FAM149A: variants seen among roughly 807,000 people sequenced by gnomAD.
FAM149A encodes the protein family with sequence similarity 149 member A.
In FAM149A, 71 loss-of-function variants were observed where a neutral mutation model predicts 78.2. The ratio of observed to expected loss-of-function variants is 0.91; its 90% confidence interval spans 0.75 to 1.11. The LOEUF (loss-of-function observed/expected upper bound fraction) is 1.11, where lower values mean the gene tolerates loss of function less well. FAM149A is among the 50% of genes least tolerant of loss of function. The pLI is 0.00. For synonymous variants in FAM149A, 446 were observed against 410.5 expected (o/e 1.09, Z -1.04); for missense variants, 1,036 against 971.0 (o/e 1.07, Z -0.89).
At chr4:186,126,141 C>G in intron 1 of FAM149A, 1 of 973,892 alleles carries the variant, frequency 1.0e-6, no homozygotes, top group Non-Finnish European at 1.2e-6. Context: ...TATCATATCA[C>G]TTGCCCTGTC....
At position 186,151,916 on chromosome 4, in the gene FAM149A, C is replaced by T. The variant is rs745800363; in HGVS notation, c.803C>T (p.Ala268Val). 46 of 1,614,018 alleles carry T rather than the reference C, an allele frequency of 2.9e-5. No homozygotes were observed. Among genetic ancestry groups the T allele is most frequent in the Non-Finnish European group, 3.6e-5 (43 of 1,179,940 alleles). The change falls in exon 4 of 14, where the codon GCC becomes GTC. Residue 268 changes from alanine (A) to valine (V), a missense_variant. Transcript: ENST00000389354. ...ATTTCTGTTTAGGAATTTGACGAAG[C>T]CAGTTCACAGTCAGTGCAGCGGTTA...
chr4:186,136,980 C>CTCTCTCTCTCTCTCTCTCTCTCTCTCTT (rs1561396434), intron 1 of FAM149A, among the ~76,000 whole-genome samples: 16 of 116,066 alleles, frequency 1.4e-4, no homozygotes, highest in African/African-American at 5.5e-4. Flanking sequence ...CTCTCTTTCT[C>CTCTCTCTCTCTCTCTCTCTCTCTCTCTT]TCTCTCTCTC....
At position 186,119,482 on chromosome 4, in the gene FAM149A, A is replaced by T. The variant is rs150830141; in HGVS notation, c.566+13840A>T. ...TTGGCAGTGACTAGAAAAACAGCCA[A>T]GCTAAGACTTTCCCTTCTGTTGTTT... On this transcript the variant is annotated intron_variant, in intron 1 of 13. Coordinates refer to ENST00000389354, the MANE Select transcript of FAM149A (RefSeq NM_001367768.3). 6.1e-3 allele frequency among the ~76,000 whole-genome samples: 927 copies of T among 152,344 alleles called. 17 individuals are homozygous for T. Among genetic ancestry groups the T allele is most frequent in the African/African-American group, 0.021 (889 of 41,574 alleles).
chr4:186,127,722 G>T (rs1418605725), intron 1 of FAM149A: 3 of 974,110 alleles, frequency 3.1e-6, no homozygotes, highest in South Asian at 4.8e-5. Context: ...TTATGCTCTT[G>T]TCACCCAGGC....
chr4:186,129,211 CTATG>C (rs2099319602), intron 1 of FAM149A, among the ~76,000 whole-genome samples: 1 of 151,458 alleles, frequency 6.6e-6, no homozygotes, highest in Non-Finnish European at 1.5e-5. Flanking sequence ...GTGTGTGTGT[CTATG>C]TGTGTGTGCT....
chr4:186,133,175 G>A (rs1377760461), intron 1 of FAM149A: 2 of 985,256 alleles, frequency 2.0e-6, no homozygotes, highest in East Asian at 1.1e-4. Flanking sequence ...AAGCTGGGAG[G>A]TGATTTTTTA....
intron 1 of FAM149A, among the ~76,000 whole-genome samples, chr4:186,130,467 T>C (rs969621390): frequency 1.8e-4 from 27 of 151,180 alleles, no homozygotes; most frequent in African/African-American, 6.3e-4. Flanking sequence ...CTCTACCTGC[T>C]CGGGGTCAGG....
chr4:186,134,772 G>T (rs1277604233), intron 1 of FAM149A, among the ~76,000 whole-genome samples: 1 of 148,038 alleles, frequency 6.8e-6, no homozygotes, highest in African/African-American at 2.5e-5. Context: ...CTGGTCCCTG[G>T]CCTTCACCAA....
At chr4:186,128,462 G>A (rs1211290670) in intron 1 of FAM149A, among the ~76,000 whole-genome samples, 1 of 150,950 alleles carries the variant, frequency 6.6e-6, no homozygotes, top group East Asian at 1.9e-4. Context: ...GAGCCACTCA[G>A]CTAAATATTA....
intron 1 of FAM149A, among the ~76,000 whole-genome samples, chr4:186,129,437 T>C (rs536108307): frequency 6.6e-6 from 1 of 152,318 alleles, no homozygotes; most frequent in African/African-American, 2.4e-5. Context: ...CCTTGAAAGA[T>C]GAATGTGATT....
rs144890576 is a variant in FAM149A at position 186,157,595 on chromosome 4, T to C, written c.1451T>C (p.Val484Ala). Residue 484 changes from valine (V) to alanine (A), a missense_variant, in exon 8 of 14, where the codon GTG (valine) becomes GCG (alanine). Physicochemically the swap from Val to Ala is moderately conservative, Grantham distance 64. This residue lies in a region of FAM149A where 716 missense variants were observed against 711.8 expected (regional missense o/e 1.01). Transcript: ENST00000389354. ...AAAAAACAGAGAGAAACATTGAAAG[T>C]GGCTGGAAACAGATTTCCGCACGTC... 8.2e-4 allele frequency: 1,323 copies of C among 1,614,166 alleles called. 2 individuals are homozygous for C. The highest frequency in any genetic ancestry group is 1.0e-3 in the Non-Finnish European group (1,192 of 1,179,968).
In FAM149A at chr4:186,165,340, G is replaced by C; in HGVS notation, c.1890-4G>C. 6.2e-7 allele frequency: 1 copy of C among 1,614,158 alleles called. No individual in the cohort carries two copies. Among genetic ancestry groups the C allele is most frequent in the Middle Eastern group, 1.6e-4 (1 of 6,062 alleles). ...GTGCTCAGTGACATGATGATGTGTT[G>C]CAGGCCGACTGGCGTGGACCACATG... is the stretch of plus-strand genomic sequence containing the variant. On this transcript the variant is annotated splice_region_variant and splice_polypyrimidine_tract_variant and intron_variant, in intron 10 of 13. Transcript: ENST00000389354.
chr4:186,106,497 C>T (rs1168610231), intron 1 of FAM149A, among the ~76,000 whole-genome samples: 3 of 152,064 alleles, frequency 2.0e-5, no homozygotes, highest in African/African-American at 4.8e-5. Flanking sequence ...GACAGATGAG[C>T]CAATTCACAG....
rs779350806 is a variant in FAM149A, at chr4:186,172,069, A to G, written c.*82A>G. 8 of 1,558,008 alleles carry G rather than the reference A, an allele frequency of 5.1e-6. No homozygotes were observed. Among genetic ancestry groups the G allele is most frequent in the Non-Finnish European group, 6.9e-6 (8 of 1,155,628 alleles). On this transcript the variant is annotated 3_prime_UTR_variant, in exon 14 of 14. Coordinates refer to ENST00000389354, the MANE Select transcript of FAM149A (RefSeq NM_001367768.3). ...TGAAAAATGGAGGAACAAGTGTTATATTTATCTGTGTGTCTGACAGTGTGA... is the reference window on the plus strand; with the variant it reads ...TGAAAAATGGAGGAACAAGTGTTATGTTTATCTGTGTGTCTGACAGTGTGA...
In FAM149A at chr4:186,165,421, C is replaced by G; in HGVS notation, c.1967C>G (p.Thr656Ser). Reference sequence around the variant, plus strand: ...AGGTTCCCCCCGCTAGTCACGGAGACCAGGGGGCAGAATACAGCAGTTCCT... The same window carrying G: ...AGGTTCCCCCCGCTAGTCACGGAGAGCAGGGGGCAGAATACAGCAGTTCCT... Residue 656 changes from threonine (T) to serine (S), a missense_variant, in exon 11 of 14, where the codon ACC becomes AGC. Thr to Ser is a moderately conservative substitution (Grantham distance 58, BLOSUM62 1). Coordinates refer to ENST00000389354, the MANE Select transcript of FAM149A (RefSeq NM_001367768.3). The G allele has an allele frequency of 6.2e-7, 1 of 1,614,082 alleles. No homozygotes were observed. Among genetic ancestry groups the G allele is most frequent in the African/African-American group, 1.3e-5 (1 of 75,050 alleles).
chr4:186,137,021 A>ACTCTCTCTCTCTCTC (rs1554068550), intron 1 of FAM149A, among the ~76,000 whole-genome samples: 2 of 93,780 alleles, frequency 2.1e-5, no homozygotes, highest in South Asian at 3.8e-4. Flanking sequence ...TCTCTCTCTA[A>ACTCTCTCTCTCTCTC]GTGCTTAAAG....
At chr4:186,162,486 A>G (rs1265899015) in intron 8 of FAM149A, among the ~76,000 whole-genome samples, 2 of 151,934 alleles carry the variant, frequency 1.3e-5, no homozygotes, top group Admixed American at 6.6e-5. Context: ...GCATGGGGGG[A>G]GACTGAAGCA....
intron 7 of FAM149A, 64 bp downstream of exon 7, chr4:186,156,254 C>T: frequency 3.5e-6 from 5 of 1,415,160 alleles, no homozygotes; most frequent in Non-Finnish European, 4.8e-6. Context: ...CCCTGGGCTC[C>T]TGCTCCCCAG....
intron 1 of FAM149A, among the ~76,000 whole-genome samples, chr4:186,145,997 GAAAAAA>G (rs1303883724): frequency 7.0e-6 from 1 of 141,918 alleles, no homozygotes; most frequent in Non-Finnish European, 1.5e-5. Flanking sequence ...ATGTGAAAGA[GAAAAAA>G]AAAAAGAAAA....
Sources: allele counts gnomAD v4.1 joint callset (sites outside exome capture counted in the v4.1 genomes callset), GRCh38; gene constraint gnomAD v4.1.1; regional missense constraint gnomAD v4.1.1; transcripts MANE v1.5; gene names NCBI Gene and HGNC (gene_info 2026-07-23, HGNC 2026-07-21).